Variants in USP35 observed in about 807,000 individuals in gnomAD.
USP35 encodes the protein ubiquitin carboxyl-terminal hydrolase 35.
In USP35, 69 loss-of-function variants were observed where a neutral mutation model predicts 83.8. The observed-to-expected ratio is 0.82, with a 90% CI of 0.68 to 1.01. The LOEUF (loss-of-function observed/expected upper bound fraction) is 1.01, where lower values mean the gene tolerates loss of function less well. Ranked by LOEUF, USP35 falls within the 50% of genes least tolerant of loss-of-function variation. USP35 has a pLI of 0.00. For synonymous variants in USP35, 714 were observed against 589.5 expected, an observed-to-expected ratio of 1.21 and a Z score of -3.06; for missense variants, 1,503 against 1,362.5, an observed-to-expected ratio of 1.10 and a Z score of -1.62.
downstream of USP35, chr11:78,219,116 G>T (rs1009027607): frequency 1.5e-6 from 1 of 676,984 alleles, no homozygotes; most frequent in Non-Finnish European, 2.5e-6. Flanking sequence ...CCTCCCAGGG[G>T]AAGGGTTCAG....
rs1003952471 is a variant in USP35 at position 78,214,308 on chromosome 11, A to C, written c.*495A>C. On this transcript the variant is annotated 3_prime_UTR_variant, in exon 11 of 11. Coordinates refer to ENST00000529308, the MANE Select transcript of USP35 (RefSeq NM_020798.4). ...TCATATGGGGGTGGGGGGTACCTGC[A>C]CTGTCTGTACCTTTCTGAGAAGAAC... The C allele has an allele frequency of 1.4e-5, 2 of 138,156 alleles. No homozygotes were observed. Among genetic ancestry groups the C allele is most frequent in the African/African-American group, 5.6e-5 (2 of 35,832 alleles). 8.6% of individuals were successfully genotyped at this position (138,156 alleles called of 1,614,324 possible). A position where few individuals can be genotyped will look rare whatever the true frequency, so the allele number is the denominator to read the frequency against.
exon 11 of USP35, chr11:78,215,212 T>TAAAGCAAAAATTGGAACAGACTG (rs1565409759): frequency 6.6e-6 from 1 of 152,492 alleles, no homozygotes; most frequent in Non-Finnish European, 1.5e-5. Flanking sequence ...TATTTCCAAA[T>TAAAGCAAAAATTGGAACAGACTG]AAAGCAAAAA....
At chr11:78,205,567 T>G (rs1863504874) in intron 6 of USP35, among the ~76,000 whole-genome samples, 1 of 152,238 alleles carries the variant, frequency 6.6e-6, no homozygotes, top group South Asian at 2.1e-4. Flanking sequence ...TTATTTTCTC[T>G]GTCTGAATCT....
intron 10 of USP35, 138 bp downstream of exon 10, chr11:78,210,882 C>T: frequency 3.3e-6 from 3 of 906,908 alleles, no homozygotes; most frequent in Non-Finnish European, 4.8e-6. Flanking sequence ...TGGGTATATA[C>T]TGGTGGCCCA....
rs537239236 is a variant in USP35, at chr11:78,213,974, G to T, written c.*161G>T. The T allele has an allele frequency of 1.7e-4, 128 of 762,724 alleles. No individual in the cohort carries two copies. The African/African-American group carries it at 2.0e-3, about 12-fold the overall frequency. 47.2% of individuals were successfully genotyped at this position (762,724 alleles called of 1,614,324 possible). Reference sequence around the variant, plus strand: ...CACAGAGATTCTCTCAGATATGGAAGTAAGACCTAAGTCCCTTTCATTGGG... The same window carrying T: ...CACAGAGATTCTCTCAGATATGGAATTAAGACCTAAGTCCCTTTCATTGGG... On this transcript the variant is annotated 3_prime_UTR_variant, in exon 11 of 11. Transcript: ENST00000529308.
the USP35 span, chr11:78,221,581 G>A: frequency 3.0e-6 from 2 of 667,388 alleles, no homozygotes; most frequent in Non-Finnish European, 5.4e-6. Context: ...GAGTCCCTGG[G>A]CTGAGGTGAG....
At chr11:78,221,038 T>A in the USP35 span, among the ~76,000 whole-genome samples, 4 of 152,174 alleles carry the variant, frequency 2.6e-5, no homozygotes, top group African/African-American at 7.2e-5. Flanking sequence ...AAGCCCGCAT[T>A]TCTTCAGATG....
the USP35 span, chr11:78,226,459 A>G: frequency 6.2e-7 from 1 of 1,607,334 alleles, no homozygotes. Flanking sequence ...TAGGACTTAT[A>G]CTGACCTCGG....
At chr11:78,191,352 T>C (rs1197187228) in intron 1 of USP35, among the ~76,000 whole-genome samples, 1 of 152,178 alleles carries the variant, frequency 6.6e-6, no homozygotes, top group Non-Finnish European at 1.5e-5. Flanking sequence ...CCTTGGAGTG[T>C]GCTGGTGTTG....
intron 1 of USP35, among the ~76,000 whole-genome samples, chr11:78,193,469 T>G (rs1863057097): frequency 6.7e-6 from 1 of 150,356 alleles, no homozygotes; most frequent in Non-Finnish European, 1.5e-5. Flanking sequence ...CCTCCCAGAG[T>G]GCTAAGATTA....
chr11:78,236,224 T>G, the USP35 span, among the ~76,000 whole-genome samples: 1 of 152,246 alleles, frequency 6.6e-6, no homozygotes, highest in Non-Finnish European at 1.5e-5. Flanking sequence ...TAATTAAAAT[T>G]TTTTCATTTT....
chr11:78,204,812 A>AT (rs1314645064), intron 6 of USP35, among the ~76,000 whole-genome samples: 1 of 152,220 alleles, frequency 6.6e-6, no homozygotes, highest in Non-Finnish European at 1.5e-5. Context: ...GACTGCTCTG[A>AT]TAAATTATCC....
Position 78,210,397 on chromosome 11 carries a change from T to C in USP35, c.2542T>C (p.Cys848Arg). The change falls in exon 10 of 11, where the codon TGC becomes CGC. Residue 848 changes from cysteine to arginine, a missense_variant. Physicochemically the swap from Cys to Arg is radical, Grantham distance 180 (BLOSUM62 -3). Transcript: ENST00000529308. The part of the protein sequence containing the change: ...AGGRGQAYDL[C>R]SVVVHSGVSS... Reference sequence around the variant, plus strand: ...TGGCCGTGGCCAGGCCTATGACCTCTGCAGTGTGGTGGTGCACTCTGGAGT... The same window carrying C: ...TGGCCGTGGCCAGGCCTATGACCTCCGCAGTGTGGTGGTGCACTCTGGAGT... 1 of 1,613,944 alleles carries C rather than the reference T, an allele frequency of 6.2e-7. No individual in the cohort carries two copies. Among genetic ancestry groups the C allele is most frequent in the Non-Finnish European group, 8.5e-7 (1 of 1,180,028 alleles).
chr11:78,235,539 C>T, the USP35 span, among the ~76,000 whole-genome samples: 1 of 152,154 alleles, frequency 6.6e-6, no homozygotes, highest in Admixed American at 6.5e-5. Context: ...ATGCCTTTAA[C>T]GATACCCAAG....
the USP35 span, among the ~76,000 whole-genome samples, chr11:78,227,843 A>C: frequency 2.6e-3 from 392 of 152,176 alleles, 7 homozygotes; most frequent in Middle Eastern, 0.02. Context: ...AAACTATTCA[A>C]ACGTAAGCTC....
rs372691410 is a variant in USP35 at position 78,210,537 on chromosome 11, T to C, written c.2682T>C (p.Asn894=). 2.5e-6 allele frequency: 4 copies of C among 1,613,330 alleles called. No homozygotes were observed. The highest frequency in any genetic ancestry group is 1.3e-5 in the African/African-American group (1 of 74,938). The change falls in exon 10 of 11, where the codon AAT becomes AAC. Residue 894 remains asparagine (N), a synonymous_variant. Coordinates refer to ENST00000529308, the MANE Select transcript of USP35 (RefSeq NM_020798.4). ...PEPENQWYLF[N]DTRVSFSSFE... The stretch of plus-strand genomic sequence containing the variant: ...CCGAGAACCAGTGGTACCTGTTCAA[T>C]GACACTCGGGTGTCCTTCTCTTCCT...
Position 78,209,967 on chromosome 11 carries a change from A to G in USP35, c.2112A>G (p.Gly704=), listed in dbSNP as rs78142936. 0.015 allele frequency: 24,908 copies of G among 1,611,800 alleles called. 2,646 individuals carry two copies. In the African/African-American group the frequency reaches 0.26, roughly 17 times the overall value. The change falls in exon 10 of 11, where the codon GGA becomes GGG. Residue 704 remains glycine, a synonymous_variant. Coordinates refer to ENST00000529308, the MANE Select transcript of USP35 (RefSeq NM_020798.4). The stretch of plus-strand genomic sequence containing the variant: ...AGGAGGAAAGCACCAGAGGGGAAGG[A>G]GAGAGGGAGAAAGAGGAGGAGGTGG... The part of the protein sequence containing the change: ...GEEEESTRGE[G]EREKEEEVEE...
At chr11:78,227,311 G>T in the USP35 span, among the ~76,000 whole-genome samples, 3 of 152,100 alleles carry the variant, frequency 2.0e-5, no homozygotes, top group Non-Finnish European at 2.9e-5. Context: ...TAAGCCAGAT[G>T]GATTGCCTAT....
the USP35 span, among the ~76,000 whole-genome samples, chr11:78,223,879 G>A: frequency 3.9e-5 from 6 of 152,072 alleles, no homozygotes; most frequent in African/African-American, 9.7e-5. Context: ...TGAGGGGTTC[G>A]AGACCAGCTT....
Sources: gnomAD v4.1 joint callset for allele counts (sites outside exome capture counted in the v4.1 genomes callset) on GRCh38, gnomAD v4.1.1 for gene constraint, MANE v1.5 for transcripts, NCBI Gene and HGNC (gene_info 2026-07-23, HGNC 2026-07-21) for gene names.